Variants in GBF1 observed in about 807,000 individuals in gnomAD.
GBF1 encodes the protein Golgi-specific brefeldin A-resistance guanine nucleotide exchange factor 1.
GBF1 carries 114 observed loss-of-function variants against 210.5 expected under a neutral mutation model. The ratio of observed to expected loss-of-function variants is 0.54; its 90% CI spans 0.47 to 0.63. The LOEUF (loss-of-function observed/expected upper bound fraction) is 0.63, where lower values mean the gene tolerates loss of function less well. Among genes scored for constraint, GBF1 ranks in the 30% least tolerant of loss-of-function variants. GBF1 has a pLI of 0.00. For missense variants in GBF1, 1,851 were observed against 2,357.7 expected (o/e 0.79, Z 4.45); for synonymous variants, 850 against 889.2 (o/e 0.96, Z 0.78).
intron 3 of GBF1, among the ~76,000 whole-genome samples, chr10:102,308,878 T>C (rs1201728600): frequency 2.7e-5 from 4 of 149,524 alleles, no homozygotes; most frequent in Non-Finnish European, 3.0e-5. Context: ...AGTATAATAA[T>C]AATAAAATTA....
chr10:102,300,920 G>C (rs887977905), intron 3 of GBF1, among the ~76,000 whole-genome samples: 5 of 151,380 alleles, frequency 3.3e-5, no homozygotes, highest in Non-Finnish European at 7.4e-5. Context: ...ATTATGCTAA[G>C]AGTAGTTTGT....
chr10:102,290,209 C>T (rs2485375), intron 3 of GBF1, among the ~76,000 whole-genome samples: 51,898 of 152,040 alleles, frequency 0.34, 9,253 homozygotes, highest in South Asian at 0.48. Context: ...ATTTTTTCCT[C>T]TTATTCATTT....
intron 3 of GBF1, among the ~76,000 whole-genome samples, chr10:102,269,571 G>T (rs1048826151): frequency 6.6e-6 from 1 of 152,102 alleles, no homozygotes; most frequent in African/African-American, 2.4e-5. Context: ...AAAGTAGAGG[G>T]ACAAATGAGA....
chr10:102,373,843 C>A (rs1166652282), intron 29 of GBF1, among the ~76,000 whole-genome samples: 2 of 152,126 alleles, frequency 1.3e-5, no homozygotes, highest in African/African-American at 4.8e-5. Context: ...TTTATAGAAG[C>A]CTTAGTTGTA....
At chr10:102,368,104 G>A (rs1278902919) in intron 21 of GBF1, 114 bp from the exon 22 acceptor site, 3 of 732,580 alleles carry the variant, frequency 4.1e-6, no homozygotes, top group Middle Eastern at 3.9e-4. Context: ...CTGAGCTGCA[G>A]TTCTGATGAC....
At chr10:102,359,169 C>A in intron 10 of GBF1, 98 bp from the exon 11 acceptor site, 1 of 830,876 alleles carries the variant, frequency 1.2e-6, no homozygotes, top group Non-Finnish European at 2.1e-6. Flanking sequence ...ATCTGTAGCC[C>A]ATTAGAGACA....
intron 30 of GBF1, 133 bp downstream of exon 30, chr10:102,375,717 G>A: frequency 1.6e-6 from 1 of 637,826 alleles, no homozygotes; most frequent in South Asian, 1.8e-5. Context: ...CACTTCCAGA[G>A]CTTCCAGTGC....
rs1257067646 is a variant in GBF1, at chr10:102,293,406, A to G, written c.163+33290A>G. Among the ~76,000 whole-genome samples, 7 of 147,892 alleles carry G rather than the reference A, an allele frequency of 4.7e-5. No individual in the cohort carries two copies. In the East Asian group the frequency reaches 1.2e-3, roughly 25 times the overall value. On this transcript the variant is annotated intron_variant, in intron 3 of 39. Coordinates refer to ENST00000369983, the MANE Select transcript of GBF1 (RefSeq NM_001377137.1). ...ATAAATGACCATTACTAGTTTATCT[A>G]TTTCATATATTATATATCATTGTTT...
chr10:102,235,166 T>TCCCCCC, the GBF1 span, among the ~76,000 whole-genome samples: 24 of 59,060 alleles, frequency 4.1e-4, no homozygotes, highest in African/African-American at 1.5e-3. Flanking sequence ...TTATTACCCT[T>TCCCCCC]CCCCCACCCC....
intron 4 of GBF1, among the ~76,000 whole-genome samples, chr10:102,350,690 G>T (rs949300417): frequency 6.6e-6 from 1 of 151,990 alleles, no homozygotes; most frequent in African/African-American, 2.4e-5. Flanking sequence ...AAATTCTCAG[G>T]CCCCACTCTG....
At chr10:102,376,118 C>G (rs41306850) in intron 30 of GBF1, among the ~76,000 whole-genome samples, 154 bp from the exon 31 acceptor site, 3 of 152,074 alleles carry the variant, frequency 2.0e-5, no homozygotes, top group Non-Finnish European at 4.4e-5. Flanking sequence ...AGAAACTGTT[C>G]CGGCCATCCT....
At chr10:102,231,190 G>GT in the GBF1 span, 1 of 1,289,502 alleles carries the variant, frequency 7.8e-7, no homozygotes, top group South Asian at 1.5e-5. Flanking sequence ...TCCAGCCGGG[G>GT]CCCTGCGGTC....
At chr10:102,280,130 A>AAGAGAG (rs57985048) in intron 3 of GBF1, among the ~76,000 whole-genome samples, 3 of 150,120 alleles carry the variant, frequency 2.0e-5, no homozygotes, top group South Asian at 4.2e-4. Flanking sequence ...CTTAAAAAAA[A>AAGAGAG]AGAGAGAGAG....
At chr10:102,320,947 C>T (rs1565105870) in intron 3 of GBF1, among the ~76,000 whole-genome samples, 1 of 151,978 alleles carries the variant, frequency 6.6e-6, no homozygotes, top group Non-Finnish European at 1.5e-5. Context: ...AGGTGTGCAC[C>T]ACCACGCCCG....
At chr10:102,365,689 T>G (rs2059876474) in intron 18 of GBF1, 90 bp downstream of exon 18, 1 of 1,102,440 alleles carries the variant, frequency 9.1e-7, no homozygotes, top group Non-Finnish European at 1.4e-6. Flanking sequence ...GGCAGGCAGA[T>G]CACTCGAGCT....
Position 102,366,356 on chromosome 10 carries a change from G to C in GBF1, c.2310-27G>C. 1.2e-6 allele frequency: 2 copies of C among 1,613,430 alleles called. No homozygotes were observed. The highest frequency in any genetic ancestry group is 1.7e-5 in the Admixed American group (1 of 60,008). On this transcript the variant is annotated intron_variant, in intron 18 of 39. Coordinates refer to ENST00000369983, the MANE Select transcript of GBF1 (RefSeq NM_001377137.1). The surrounding 1 kb of genome is among the most constrained non-coding windows in gnomAD (Gnocchi z 4.0). ...GACATGTGCAGCTTACACATTTTCA[G>C]CCTCTTCTTCCTTTCTTTCCCTATA...
chr10:102,288,655 G>A (rs1489350026), intron 3 of GBF1, among the ~76,000 whole-genome samples: 2 of 148,818 alleles, frequency 1.3e-5, no homozygotes, highest in South Asian at 2.1e-4. Context: ...AGCTTGCAGT[G>A]AGCCGAGATT....
chr10:102,287,638 C>G (rs1739931118), intron 3 of GBF1, among the ~76,000 whole-genome samples: 1 of 152,076 alleles, frequency 6.6e-6, no homozygotes, highest in South Asian at 2.1e-4. Flanking sequence ...TGGTTGTTGG[C>G]CAGAGGCCTC....
chr10:102,260,162 T>G, intron 3 of GBF1, 46 bp downstream of exon 3: 1 of 1,006,786 alleles, frequency 9.9e-7, no homozygotes, highest in East Asian at 2.4e-5. Context: ...GTAAAAAATA[T>G]GTGTTTGATT....
Sources: allele counts gnomAD v4.1 joint callset (sites outside exome capture counted in the v4.1 genomes callset), GRCh38; gene constraint gnomAD v4.1.1; non-coding constraint Gnocchi (gnomAD v3.1); transcripts MANE v1.5; gene names NCBI Gene and HGNC (gene_info 2026-07-23, HGNC 2026-07-21).